The following A3GALT2 variants were observed in gnomAD, a reference collection of about 807,000 sequenced individuals.
The protein encoded by A3GALT2 is alpha-1,3-galactosyltransferase 2.
A neutral mutation model predicts 16.6 loss-of-function variants in A3GALT2; 14 were observed. The observed-to-expected ratio is 0.84, with a 90% confidence interval of 0.56 to 1.32. The LOEUF (loss-of-function observed/expected upper bound fraction) is 1.32. A3GALT2 is among the 40% of genes most tolerant of loss of function. The pLI is 0.00. For missense variants in A3GALT2, 600 were observed against 490.9 expected, an observed-to-expected ratio of 1.22 and a Z score of -2.10; for synonymous variants, 253 against 218.0, an observed-to-expected ratio of 1.16 and a Z score of -1.42.
Position 33,307,025 on chromosome 1 carries a change from G to T in A3GALT2, c.764C>A (p.Ala255Glu), listed in dbSNP as rs1284000757. 2 of 1,484,024 alleles carry T rather than the reference G, an allele frequency of 1.3e-6. No homozygotes were observed. Among genetic ancestry groups the T allele is most frequent in the Admixed American group, 4.6e-5 (2 of 43,600 alleles). 91.9% of individuals were successfully genotyped at this position (1,484,024 alleles called of 1,614,324 possible). The change falls in exon 5 of 5, where the codon GCG becomes GAG. Residue 255 changes from alanine (A) to glutamate (E), a missense_variant. Ala to Glu is a moderately radical substitution (Grantham distance 107). Coordinates refer to ENST00000442999, the MANE Select transcript of A3GALT2 (RefSeq NM_001080438.1). ...AWGQGDFYNH[A>E]AVFGGSVAAL... ...CGCCACGCTGCCCCCGAACACCGCC[G>T]CGTGGTTATAGAAGTCGCCCTGGCC...
intron 4 of A3GALT2, among the ~76,000 whole-genome samples, chr1:33,308,768 T>TTG (rs1315421653): frequency 4.9e-5 from 6 of 121,588 alleles, no homozygotes; most frequent in African/African-American, 2.2e-4. Context: ...TTTTTTTTTT[T>TTG]TTTTTTTTTT....
intron 1 of A3GALT2, chr1:33,314,561 C>T (rs1317576389): frequency 6.5e-6 from 1 of 152,798 alleles, no homozygotes; most frequent in Non-Finnish European, 1.5e-5. Context: ...TCCTCCAGTT[C>T]ACTGCGCCAA....
chr1:33,308,251 A>C (rs549865073), intron 4 of A3GALT2, among the ~76,000 whole-genome samples: 1 of 150,710 alleles, frequency 6.6e-6, no homozygotes, highest in Non-Finnish European at 1.5e-5. Context: ...AAGCCTCCAT[A>C]TAAGAAGTCC....
At position 33,306,979 on chromosome 1, in the gene A3GALT2, C is replaced by A. The variant is rs1280122855; in HGVS notation, c.810G>T (p.Ala270=). The change falls in exon 5 of 5, where the codon GCG becomes GCT. Residue 270 remains alanine (A), a synonymous_variant. Coordinates refer to ENST00000442999, the MANE Select transcript of A3GALT2 (RefSeq NM_001080438.1). The part of the protein sequence containing the change: ...GSVAALRGLT[A]HCAGGLDWDR... ...CCCAGTCCAGGCCCCCCGCACAGTG[C>A]GCCGTCAGCCCGCGCAGCGCCGCCA... 1 of 1,474,454 alleles carries A rather than the reference C, an allele frequency of 6.8e-7. No individual in the cohort carries two copies. The highest frequency in any genetic ancestry group is 8.9e-7 in the Non-Finnish European group (1 of 1,120,150). The allele number at this position is 1,474,454 out of a possible 1,614,324, so 91.3% of individuals were successfully genotyped here. A position where few individuals can be genotyped will look rare whatever the true frequency, so the allele number is the denominator to read the frequency against.
chr1:33,312,442 G>C, intron 3 of A3GALT2, 59 bp downstream of exon 3: 1 of 1,477,894 alleles, frequency 6.8e-7, no homozygotes, highest in Non-Finnish European at 9.2e-7. Flanking sequence ...AGGGACATGG[G>C]GCAGAGCTGT....
At chr1:33,315,139 C>T (rs1646255680) in intron 1 of A3GALT2, among the ~76,000 whole-genome samples, 1 of 152,056 alleles carries the variant, frequency 6.6e-6, no homozygotes, top group Non-Finnish European at 1.5e-5. Flanking sequence ...AATCCCAGCA[C>T]TTTGGGAGGC....
At position 33,307,163 on chromosome 1, in the gene A3GALT2, C is replaced by G. The variant is rs1646198121; in HGVS notation, c.626G>C (p.Gly209Ala). ...CACCGACTCGGCCAGCGCCTCGGGC[C>G]CAAAAGTGCCGCTGAAGTGCTGGTC... ...DVDQHFSGTF[G>A]PEALAESVAQ... Residue 209 changes from glycine to alanine, a missense_variant, in exon 5 of 5, where the codon GGG becomes GCG. Physicochemically the swap from Gly to Ala is moderately conservative, Grantham distance 60. Transcript: ENST00000442999. 1 of 1,553,450 alleles carries G rather than the reference C, an allele frequency of 6.4e-7. No individual in the cohort carries two copies.
Position 33,317,432 on chromosome 1 carries a change from A to G in A3GALT2, c.23+3644T>C, listed in dbSNP as rs193244914. Among the ~76,000 whole-genome samples the G allele has an allele frequency of 1.5e-4, 23 of 152,340 alleles. No individual in the cohort carries two copies. The East Asian group carries it at 4.4e-3, about 29-fold the overall frequency. On this transcript the variant is annotated intron_variant, in intron 1 of 4. Transcript: ENST00000442999. ...TGCTTTTTTAATGAAGGAAAAATTC[A>G]AAGTTAGCAATTTACACACAAAAAA...
At chr1:33,314,988 T>C (rs1001808751) in intron 1 of A3GALT2, among the ~76,000 whole-genome samples, 1 of 151,912 alleles carries the variant, frequency 6.6e-6, no homozygotes, top group Admixed American at 6.6e-5. Flanking sequence ...GGCTTGTGCA[T>C]GTAATCCCAG....
At chr1:33,317,228 C>T (rs1646265699) in intron 1 of A3GALT2, among the ~76,000 whole-genome samples, 1 of 152,090 alleles carries the variant, frequency 6.6e-6, no homozygotes, top group South Asian at 2.1e-4. Context: ...TAGAAAAATG[C>T]TCATACAGGA....
chr1:33,317,717 T>A (rs1646267820), intron 1 of A3GALT2, among the ~76,000 whole-genome samples: 1 of 152,254 alleles, frequency 6.6e-6, no homozygotes. Flanking sequence ...GAATTAGGCA[T>A]CTCTATACAG....
chr1:33,320,562 A>G lies in A3GALT2; in HGVS notation c.23+514T>C, dbSNP rs1376304646. 6.6e-6 allele frequency among the ~76,000 whole-genome samples: 1 copy of G among 151,804 alleles called. No individual in the cohort carries two copies. The highest frequency in any genetic ancestry group is 2.4e-5 in the African/African-American group (1 of 41,378). ...GCCCCTGATCAGTCCACTCCTCCAC[A>G]TTTCTTGTTCAGGTTCTACCTGCAG... On this transcript the variant is annotated intron_variant, in intron 1 of 4. Transcript: ENST00000442999. The surrounding 1 kb of genome is among the most constrained non-coding windows in gnomAD (Gnocchi z 4.3).
intron 4 of A3GALT2, among the ~76,000 whole-genome samples, chr1:33,310,381 G>A (rs1646228040): frequency 6.6e-6 from 1 of 151,878 alleles, no homozygotes; most frequent in Non-Finnish European, 1.5e-5. Flanking sequence ...GAGGGAGAGG[G>A]GAATTATTTT....
chr1:33,309,552 G>A lies in A3GALT2; in HGVS notation c.336-2099C>T, dbSNP rs994247246. ...ACGCTCCTCACTTCCCAGGTGGGGC[G>A]GCTGCCGGGCGGAGGGGCTCCTCAC... is the stretch of plus-strand genomic sequence containing the variant. On this transcript the variant is annotated intron_variant, in intron 4 of 4. Transcript: ENST00000442999. 5.9e-5 allele frequency among the ~76,000 whole-genome samples: 9 copies of A among 151,356 alleles called. No individual in the cohort carries two copies. The South Asian group carries it at 6.3e-4, about 11-fold the overall frequency.
chr1:33,307,496 C>G, intron 4 of A3GALT2, 43 bp from the exon 5 acceptor site: 1 of 1,413,148 alleles, frequency 7.1e-7, no homozygotes, highest in Non-Finnish European at 9.2e-7. Context: ...TGAAGCGAGG[C>G]GGGCCCGGCC....
chr1:33,307,298 G>GCCACGCGCT lies in A3GALT2; in HGVS notation c.482_490dup (p.Glu161_Val163dup), dbSNP rs753744205. The GCCACGCGCT allele has an allele frequency of 2.3e-5, 34 of 1,466,334 alleles. No individual in the cohort carries two copies. Among genetic ancestry groups the GCCACGCGCT allele is most frequent in the Non-Finnish European group, 2.9e-5 (32 of 1,119,746 alleles). The allele number at this position is 1,466,334 out of a possible 1,614,324, so 90.8% of individuals were successfully genotyped here. A position where few individuals can be genotyped will look rare whatever the true frequency, so the allele number is the denominator to read the frequency against. On this transcript the variant is annotated inframe_insertion, in exon 5 of 5. Transcript: ENST00000442999. ...CACGTCTTGCCAGCGCCGCTCGCGCGCCACGCGCTCCACGGGCAGCCGGCG... is the reference window on the plus strand; with the variant it reads ...CACGTCTTGCCAGCGCCGCTCGCGCGCCACGCGCTCCACGCGCTCCACGGGCAGCCGGCG...
At chr1:33,316,333 C>T (rs1238836333) in intron 1 of A3GALT2, among the ~76,000 whole-genome samples, 5 of 152,064 alleles carry the variant, frequency 3.3e-5, no homozygotes, top group Non-Finnish European at 5.9e-5. Flanking sequence ...GCCCGCATGT[C>T]AGGCTCGGGG....
At chr1:33,310,489 G>A (rs77609905) in intron 4 of A3GALT2, among the ~76,000 whole-genome samples, 3,202 of 152,290 alleles carry the variant, frequency 0.021, 113 homozygotes, top group African/African-American at 0.07. Context: ...GGGATCCTAG[G>A]ACTTTAAAAT....
chr1:33,307,513 CCTCATCTCACCTCTACT>C (rs2148155602), intron 4 of A3GALT2, 60 bp from the exon 5 acceptor site: 3 of 1,352,330 alleles, frequency 2.2e-6, no homozygotes, highest in East Asian at 2.9e-5. Flanking sequence ...GGCCTCCCCA[CCTCATCTCACCTCTACT>C]CCCACCCCAC....
Sources: gnomAD v4.1 joint callset for allele counts (sites outside exome capture counted in the v4.1 genomes callset) on GRCh38, gnomAD v4.1.1 for gene constraint, Gnocchi (gnomAD v3.1) non-coding constraint, MANE v1.5 for transcripts, NCBI Gene and HGNC (gene_info 2026-07-23, HGNC 2026-07-21) for gene names.